CACNA2D2: variants seen among roughly 807,000 people sequenced by gnomAD.
The protein encoded by CACNA2D2 is calcium voltage-gated channel auxiliary subunit alpha2delta 2.
Under a neutral mutation model 166.4 loss-of-function variants are expected in CACNA2D2, and 48 were observed. The ratio of observed to expected loss-of-function variants is 0.29; its 90% CI spans 0.23 to 0.37. The LOEUF is 0.37. CACNA2D2 is among the 10% of genes least tolerant of loss of function. The probability of loss-of-function intolerance (pLI) is 1.00; values close to 1 mark genes in which losing one functional copy is unlikely to be tolerated. For missense variants in CACNA2D2, 1,122 were observed against 1,433.0 expected (o/e 0.78, Z 3.50); for synonymous variants, 561 against 573.7 (o/e 0.98, Z 0.32).
intron 1 of CACNA2D2, among the ~76,000 whole-genome samples, chr3:50,491,458 G>A (rs1698517646): frequency 6.6e-6 from 1 of 152,216 alleles, no homozygotes; most frequent in Non-Finnish European, 1.5e-5. Context: ...CAGCCAAGGT[G>A]TGGCTTAAAC....
chr3:50,468,750 C>T (rs911401325), intron 2 of CACNA2D2, among the ~76,000 whole-genome samples: 13 of 152,152 alleles, frequency 8.5e-5, no homozygotes, highest in African/African-American at 2.9e-4. Flanking sequence ...CTTCCCCATT[C>T]CCAACGCCAA....
chr3:50,446,876 G>C (rs1708872696), intron 2 of CACNA2D2, among the ~76,000 whole-genome samples: 1 of 152,168 alleles, frequency 6.6e-6, no homozygotes, highest in Non-Finnish European at 1.5e-5. Flanking sequence ...GCTTCGACTT[G>C]TAGGAAACCA....
At chr3:50,484,069 G>C (rs1251710090) in intron 1 of CACNA2D2, among the ~76,000 whole-genome samples, 1 of 152,114 alleles carries the variant, frequency 6.6e-6, no homozygotes, top group Non-Finnish European at 1.5e-5. Flanking sequence ...CGAGATCCGA[G>C]ATCCTGACGG....
intron 22 of CACNA2D2, 68 bp from the exon 23 acceptor site, chr3:50,370,448 A>T: frequency 2.9e-6 from 1 of 339,188 alleles, no homozygotes; most frequent in Non-Finnish European, 5.8e-6. Context: ...CTCAGAGCTG[A>T]CGGGGCTGGA....
intron 1 of CACNA2D2, among the ~76,000 whole-genome samples, chr3:50,489,247 CAG>C (rs979334958): frequency 1.5e-4 from 23 of 152,338 alleles, no homozygotes; most frequent in African/African-American, 4.8e-4. Context: ...GCATATGCAT[CAG>C]GGCCCACAGC....
chr3:50,405,511 A>G (rs1241240354), intron 3 of CACNA2D2, among the ~76,000 whole-genome samples: 5 of 152,182 alleles, frequency 3.3e-5, no homozygotes, highest in Non-Finnish European at 7.3e-5. Context: ...TATCTTGCCC[A>G]GGCCCCCTCA....
chr3:50,491,410 C>T (rs1444002268), intron 1 of CACNA2D2, among the ~76,000 whole-genome samples: 1 of 152,146 alleles, frequency 6.6e-6, no homozygotes, highest in Non-Finnish European at 1.5e-5. Flanking sequence ...GCCCACAGAC[C>T]CTACTGTACA....
At chr3:50,503,158 C>CG in intron 1 of CACNA2D2, 60 bp downstream of exon 1, 1 of 1,029,388 alleles carries the variant, frequency 9.7e-7, no homozygotes, top group Non-Finnish European at 1.2e-6. Flanking sequence ...TAGCGCGGAC[C>CG]GGGGGCAGAG....
chr3:50,418,786 T>C (rs1171519077), intron 3 of CACNA2D2, among the ~76,000 whole-genome samples: 1 of 152,222 alleles, frequency 6.6e-6, no homozygotes, highest in Non-Finnish European at 1.5e-5. Context: ...GTGGGGCCCC[T>C]CAGAGGCATG....
At chr3:50,403,140 TG>T (rs1415302492) in intron 3 of CACNA2D2, among the ~76,000 whole-genome samples, 2 of 152,200 alleles carry the variant, frequency 1.3e-5, no homozygotes, top group Non-Finnish European at 2.9e-5. Context: ...CTCTGTACCT[TG>T]ATCTCTCATC....
At chr3:50,479,980 G>T (rs892623204) in intron 1 of CACNA2D2, among the ~76,000 whole-genome samples, 3 of 152,202 alleles carry the variant, frequency 2.0e-5, no homozygotes, top group African/African-American at 7.2e-5. Flanking sequence ...GCCAGGAGGA[G>T]ATGTAGGCAT....
intron 2 of CACNA2D2, among the ~76,000 whole-genome samples, chr3:50,443,182 G>C (rs529330936): frequency 6.6e-6 from 1 of 152,324 alleles, no homozygotes; most frequent in Non-Finnish European, 1.5e-5. Context: ...CACAGAAGTC[G>C]CCGGGTGCGG....
intron 1 of CACNA2D2, among the ~76,000 whole-genome samples, chr3:50,483,442 C>T (rs936531490): frequency 2.0e-5 from 3 of 152,228 alleles, no homozygotes; most frequent in Admixed American, 6.5e-5. Flanking sequence ...TTATTAATTA[C>T]GGGGCTATCC....
chr3:50,382,073 T>C (rs1470870659), intron 6 of CACNA2D2, among the ~76,000 whole-genome samples: 3 of 151,512 alleles, frequency 2.0e-5, no homozygotes, highest in Non-Finnish European at 4.4e-5. Flanking sequence ...CCCTTCAACC[T>C]GGGCAGAGAT....
chr3:50,497,720 C>T (rs990259169), intron 1 of CACNA2D2, among the ~76,000 whole-genome samples: 2 of 152,166 alleles, frequency 1.3e-5, no homozygotes, highest in Non-Finnish European at 2.9e-5. Context: ...GACCTGCAAG[C>T]CAGCAGGGCC....
chr3:50,399,492 G>A (rs1326635420), intron 3 of CACNA2D2, among the ~76,000 whole-genome samples: 1 of 152,144 alleles, frequency 6.6e-6, no homozygotes. Context: ...GTGGAGGCTG[G>A]GGGTAGTATG....
At chr3:50,392,787 T>C (rs1705946815) in intron 4 of CACNA2D2, among the ~76,000 whole-genome samples, 3 of 152,136 alleles carry the variant, frequency 2.0e-5, no homozygotes, top group Admixed American at 2.0e-4. Context: ...CTTGCCTGGG[T>C]CCCACAGGGA....
rs1051332084 is a variant in CACNA2D2, at chr3:50,475,085, C to T, written c.288+1033G>A. On this transcript the variant is annotated intron_variant, in intron 2 of 37. Coordinates refer to ENST00000424201, the MANE Select transcript of CACNA2D2 (RefSeq NM_006030.4). The stretch of plus-strand genomic sequence containing the variant: ...GCCTGTGCCAGAGGTCCTACATTCA[C>T]ACCCAATGTCAACACACTGGCTGCC... Among the ~76,000 whole-genome samples, 4 of 152,172 alleles carry T rather than the reference C, an allele frequency of 2.6e-5. No homozygotes were observed. In the South Asian group the frequency reaches 8.3e-4, roughly 31 times the overall value.
intron 2 of CACNA2D2, among the ~76,000 whole-genome samples, chr3:50,472,202 G>A (rs1406813971): frequency 1.3e-5 from 2 of 152,338 alleles, no homozygotes; most frequent in African/African-American, 4.8e-5. Context: ...CAGGGCCTCG[G>A]TTTCCCCATT....
Sources: gnomAD v4.1 joint callset for allele counts (sites outside exome capture counted in the v4.1 genomes callset) on GRCh38, gnomAD v4.1.1 for gene constraint, MANE v1.5 for transcripts, NCBI Gene and HGNC (gene_info 2026-07-23, HGNC 2026-07-21) for gene names.